The following KLHL3 variants were observed in gnomAD, a reference collection of about 807,000 sequenced individuals.
The protein encoded by KLHL3 is kelch-like protein 3.
In KLHL3, 19 loss-of-function variants were observed where a neutral mutation model predicts 70.5. The ratio of observed to expected loss-of-function variants is 0.27; its 90% CI spans 0.19 to 0.40. KLHL3 has a LOEUF of 0.40. KLHL3 is among the 10% of genes least tolerant of loss of function. The probability of loss-of-function intolerance (pLI) is 1.00; values close to 1 mark genes in which losing one functional copy is unlikely to be tolerated. For synonymous variants in KLHL3, 258 were observed against 290.3 expected, an observed-to-expected ratio of 0.89 and a Z score of 1.13; for missense variants, 512 against 771.1, an observed-to-expected ratio of 0.66 and a Z score of 3.98.
At chr5:137,692,205 A>C in intron 5 of KLHL3, 80 bp downstream of exon 5, 7 of 1,279,102 alleles carry the variant, frequency 5.5e-6, no homozygotes, top group Non-Finnish European at 7.7e-6. Flanking sequence ...CACTTCTCAT[A>C]ATCTTTGAGG....
rs1327461160 is a variant in KLHL3 at position 137,670,301 on chromosome 5, T to TTG, written c.636+7243_636+7244insCA. On this transcript the variant is annotated intron_variant, in intron 6 of 14. Coordinates refer to ENST00000309755, the MANE Select transcript of KLHL3 (RefSeq NM_017415.3). ...CAGGGCAACCTAGATTCCCAGGATATGACATCCTCTGAACATGAAGTCACA... is the reference window on the plus strand; with the variant it reads ...CAGGGCAACCTAGATTCCCAGGATATTGGACATCCTCTGAACATGAAGTCACA... Among the ~76,000 whole-genome samples the TTG allele has an allele frequency of 7.2e-5, 11 of 151,916 alleles. No homozygotes were observed. The East Asian group carries it at 1.9e-3, about 27-fold the overall frequency.
intron 8 of KLHL3, among the ~76,000 whole-genome samples, chr5:137,642,216 G>A (rs909629137): frequency 1.3e-5 from 2 of 152,192 alleles, no homozygotes; most frequent in Non-Finnish European, 2.9e-5. Context: ...TTCTGAAGCT[G>A]AGTGAGAATA....
chr5:137,675,894 G>A (rs564369926), intron 6 of KLHL3, among the ~76,000 whole-genome samples: 2 of 152,286 alleles, frequency 1.3e-5, no homozygotes, highest in Admixed American at 6.5e-5. Context: ...GCTCAGGGGG[G>A]CCCCAAATTG....
intron 4 of KLHL3, among the ~76,000 whole-genome samples, chr5:137,693,420 T>C (rs1207782666): frequency 6.6e-6 from 1 of 152,130 alleles, no homozygotes; most frequent in African/African-American, 2.4e-5. Flanking sequence ...GAAGACTGGC[T>C]TGAGCAGGCC....
At chr5:137,651,083 T>C (rs957601460) in intron 8 of KLHL3, among the ~76,000 whole-genome samples, 5 of 152,184 alleles carry the variant, frequency 3.3e-5, no homozygotes, top group African/African-American at 1.2e-4. Context: ...AACGCAGGTA[T>C]GAATGCTGAT....
At chr5:137,688,783 C>T (rs2905596) in intron 5 of KLHL3, among the ~76,000 whole-genome samples, 120,595 of 152,230 alleles carry the variant, frequency 0.79, 48,060 homozygotes, top group East Asian at 0.98. Flanking sequence ...ATGCATTAAA[C>T]GGGATGTTGC....
intron 2 of KLHL3, among the ~76,000 whole-genome samples, chr5:137,711,700 AC>A (rs1258655746): frequency 1.3e-5 from 2 of 152,024 alleles, no homozygotes; most frequent in Non-Finnish European, 2.9e-5. Context: ...AAATAAGCTC[AC>A]CCCATTTTTC....
intron 3 of KLHL3, among the ~76,000 whole-genome samples, chr5:137,699,554 A>G (rs1336317778): frequency 6.6e-6 from 1 of 152,208 alleles, no homozygotes; most frequent in African/African-American, 2.4e-5. Context: ...AATCCAAAAA[A>G]GAGAGAAGGC....
intron 8 of KLHL3, among the ~76,000 whole-genome samples, chr5:137,652,757 T>C (rs1019911419): frequency 6.6e-6 from 1 of 152,216 alleles, no homozygotes; most frequent in Non-Finnish European, 1.5e-5. Flanking sequence ...ACGTGGTGAC[T>C]ATAGTTAATA....
chr5:137,699,775 C>G (rs1431626368), intron 3 of KLHL3, among the ~76,000 whole-genome samples: 1 of 152,150 alleles, frequency 6.6e-6, no homozygotes, highest in African/African-American at 2.4e-5. Context: ...ATCCAGAAGC[C>G]TCAATGTGAG....
chr5:137,641,182 A>G (rs903749861), intron 8 of KLHL3, among the ~76,000 whole-genome samples: 8 of 152,238 alleles, frequency 5.3e-5, no homozygotes, highest in African/African-American at 1.9e-4. Flanking sequence ...CTCTCACTCA[A>G]CGGCATTCCA....
intron 7 of KLHL3, chr5:137,661,480 G>A (rs1751472410): frequency 6.5e-6 from 1 of 153,936 alleles, no homozygotes; most frequent in Non-Finnish European, 1.4e-5. Context: ...AGGGAACATA[G>A]AAACATTGTG....
chr5:137,639,896 G>C lies in KLHL3; in HGVS notation c.985C>G (p.Gln329Glu). The C allele has an allele frequency of 6.2e-7, 1 of 1,614,110 alleles. No homozygotes were observed. The highest frequency in any genetic ancestry group is 1.3e-5 in the African/African-American group (1 of 75,016). Residue 329 changes from glutamine (Q) to glutamate (E), a missense_variant, in exon 9 of 15, where the codon CAG becomes GAG. Physicochemically the swap from Gln to Glu is conservative, Grantham distance 29. Coordinates refer to ENST00000309755, the MANE Select transcript of KLHL3 (RefSeq NM_017415.3). The surrounding 1 kb of genome is among the most constrained non-coding windows in gnomAD (Gnocchi z 5.0). ...CYDFEEDRWD[Q>E]IAELPSRRCR... is the part of the protein sequence containing the mutation. ...CTTCTGGAAGGAAGCTCAGCAATCT[G>C]ATCCCACCGGTCCTCCTCGAAATCA...
rs1751389930 is a variant in KLHL3 at position 137,658,189 on chromosome 5, T to C, written c.845A>G (p.Gln282Arg). 1.2e-6 allele frequency: 2 copies of C among 1,614,018 alleles called. No homozygotes were observed. Among genetic ancestry groups the C allele is most frequent in the East Asian group, 2.2e-5 (1 of 44,884 alleles). ...CCTTGGGTTCTTAATCAATAGTCTC[T>C]GATCCAGAGGGAGGAGATGGTATTT... ...AMKYHLLPLD[Q>R]RLLIKNPRTK... Residue 282 changes from glutamine to arginine, a missense_variant, in exon 8 of 15, where the codon CAG (glutamine) becomes CGG (arginine). Physicochemically the swap from Gln to Arg is conservative, Grantham distance 43. Coordinates refer to ENST00000309755, the MANE Select transcript of KLHL3 (RefSeq NM_017415.3).
At chr5:137,654,412 A>G (rs960955817) in intron 8 of KLHL3, among the ~76,000 whole-genome samples, 1 of 152,222 alleles carries the variant, frequency 6.6e-6, no homozygotes, top group Admixed American at 6.5e-5. Flanking sequence ...TAACTGGGCA[A>G]ATTTCTTAAC....
chr5:137,666,047 T>A (rs1751606997), intron 6 of KLHL3, among the ~76,000 whole-genome samples: 1 of 152,228 alleles, frequency 6.6e-6, no homozygotes, highest in African/African-American at 2.4e-5. Context: ...ATGTCCCTCA[T>A]CCTCACAGCA....
chr5:137,626,450 G>C (rs1750463452), intron 13 of KLHL3, among the ~76,000 whole-genome samples: 1 of 152,200 alleles, frequency 6.6e-6, no homozygotes, highest in Non-Finnish European at 1.5e-5. Flanking sequence ...TGATCTCAAA[G>C]GGAGATGGAT....
intron 4 of KLHL3, among the ~76,000 whole-genome samples, chr5:137,695,523 G>A (rs1752426270): frequency 6.6e-6 from 1 of 152,218 alleles, no homozygotes; most frequent in Non-Finnish European, 1.5e-5. Flanking sequence ...AGGCTTGGAG[G>A]CTGGAAGATG....
At chr5:137,663,604 A>C (rs1305042306) in intron 6 of KLHL3, among the ~76,000 whole-genome samples, 3 of 151,980 alleles carry the variant, frequency 2.0e-5, no homozygotes, top group African/African-American at 7.2e-5. Context: ...CACTTCATGC[A>C]AGTGGATATG....
Sources: gnomAD v4.1 joint callset for allele counts (sites outside exome capture counted in the v4.1 genomes callset) on GRCh38, gnomAD v4.1.1 for gene constraint, Gnocchi (gnomAD v3.1) non-coding constraint, MANE v1.5 for transcripts, NCBI Gene and HGNC (gene_info 2026-07-23, HGNC 2026-07-21) for gene names.